The following UPF2 variants were observed in gnomAD, a reference collection of about 807,000 sequenced individuals.
UPF2 encodes the protein regulator of nonsense transcripts 2.
Under a neutral mutation model 141.4 loss-of-function variants are expected in UPF2, and 17 were observed. That is an observed-to-expected ratio of 0.12 (90% CI 0.08 to 0.18). UPF2 has a LOEUF of 0.18. Among genes scored for constraint, UPF2 ranks in the 10% least tolerant of loss-of-function variants. The pLI, the probability that UPF2 is intolerant of heterozygous loss-of-function variation, is 1.00. For missense variants in UPF2, 1,152 were observed against 1,515.9 expected, an observed-to-expected ratio of 0.76 and a Z score of 3.99; for synonymous variants, 540 against 498.0, an observed-to-expected ratio of 1.08 and a Z score of -1.12.
chr10:12,005,610 C>T (rs7896891), intron 4 of UPF2, among the ~76,000 whole-genome samples: 7,957 of 152,184 alleles, frequency 0.052, 283 homozygotes, highest in Non-Finnish European at 0.08. Context: ...ACTCTGTCAC[C>T]CAGGCTGGAG....
chr10:12,022,435 A>C (rs1426769929), intron 3 of UPF2, among the ~76,000 whole-genome samples: 1 of 151,762 alleles, frequency 6.6e-6, no homozygotes, highest in Non-Finnish European at 1.5e-5. Flanking sequence ...GAAAAAAATT[A>C]TCTTAGATTT....
chr10:11,974,556 A>G (rs966819552), intron 9 of UPF2, among the ~76,000 whole-genome samples: 1 of 152,154 alleles, frequency 6.6e-6, no homozygotes, highest in African/African-American at 2.4e-5. Context: ...TGTCCCATTG[A>G]TACCTAATTT....
intron 8 of UPF2, among the ~76,000 whole-genome samples, chr10:11,985,884 CTTT>C (rs746117868): frequency 1.3e-4 from 13 of 100,740 alleles, no homozygotes; most frequent in African/African-American, 3.0e-4. Flanking sequence ...TAGATCCTTC[CTTT>C]TTTTTTTTTT....
At chr10:11,937,426 T>A (rs1832867274) in intron 18 of UPF2, among the ~76,000 whole-genome samples, 1 of 152,222 alleles carries the variant, frequency 6.6e-6, no homozygotes. Flanking sequence ...ATGAAGTGAC[T>A]ACCTGTACCT....
At position 11,948,571 on chromosome 10, in the gene UPF2, A is replaced by G. The variant is rs1833034269; in HGVS notation, c.3035-63T>C. 4.5e-6 allele frequency: 7 copies of G among 1,539,316 alleles called. No homozygotes were observed. In the South Asian group the frequency reaches 8.3e-5, roughly 18 times the overall value. On this transcript the variant is annotated intron_variant, in intron 15 of 21. Coordinates refer to ENST00000357604, the MANE Select transcript of UPF2 (RefSeq NM_015542.4). ...AAATAGACACAGGCTAGTTTTCTACACTATACCAATTCATGTAAAAGTATG... is the reference window on the plus strand; with the variant it reads ...AAATAGACACAGGCTAGTTTTCTACGCTATACCAATTCATGTAAAAGTATG...
rs1161307393 is a variant in UPF2, at chr10:11,935,592, CA to C, written c.3546+952del. On this transcript the variant is annotated intron_variant, in intron 19 of 21. Coordinates refer to ENST00000357604, the MANE Select transcript of UPF2 (RefSeq NM_015542.4). The surrounding 1 kb of genome is among the most constrained non-coding windows in gnomAD (Gnocchi z 4.9). Reference sequence around the variant, plus strand: ...ATGTTAAGATGTAAACAAATTTTTACAGAATTGACCTAAATACACCTAAAGG... The same window carrying C: ...ATGTTAAGATGTAAACAAATTTTTACGAATTGACCTAAATACACCTAAAGG... Among the ~76,000 whole-genome samples, 4 of 152,166 alleles carry C rather than the reference CA, an allele frequency of 2.6e-5. No individual in the cohort carries two copies. Among genetic ancestry groups the C allele is most frequent in the African/African-American group, 9.7e-5 (4 of 41,438 alleles).
chr10:12,006,188 C>A (rs1834032481), intron 4 of UPF2, among the ~76,000 whole-genome samples: 2 of 152,126 alleles, frequency 1.3e-5, no homozygotes, highest in African/African-American at 2.4e-5. Flanking sequence ...CCTTTATTTT[C>A]TTTTATGCCA....
chr10:11,989,397 T>C (rs527603995), intron 8 of UPF2, among the ~76,000 whole-genome samples: 4 of 152,288 alleles, frequency 2.6e-5, no homozygotes, highest in Non-Finnish European at 4.4e-5. Context: ...AGCAGGAGGA[T>C]TGCTTGAGGC....
chr10:11,996,634 G>A (rs985213075), intron 8 of UPF2, among the ~76,000 whole-genome samples: 3 of 152,106 alleles, frequency 2.0e-5, no homozygotes, highest in Non-Finnish European at 4.4e-5. Flanking sequence ...CTGAGCCACC[G>A]CGCCTGGCCT....
At chr10:11,967,716 G>C (rs941654540) in intron 9 of UPF2, among the ~76,000 whole-genome samples, 53 of 151,680 alleles carry the variant, frequency 3.5e-4, no homozygotes, top group African/African-American at 1.3e-3. Flanking sequence ...CACCCAGCTG[G>C]GTAATTTTTT....
chr10:11,973,868 G>A (rs547327104), intron 9 of UPF2, among the ~76,000 whole-genome samples: 1 of 152,276 alleles, frequency 6.6e-6, no homozygotes, highest in South Asian at 2.1e-4. Flanking sequence ...GGCAATGCGG[G>A]CTCTTTTTTG....
In UPF2 at chr10:12,003,755, A is replaced by G. The variant is rs551245200; in HGVS notation, c.1504+775T>C. ...AGCCTGACCAACATGGTGAAACCCC[A>G]TCTCTACTAAAAATACAAAATTAGC... On this transcript the variant is annotated intron_variant, in intron 5 of 21. Coordinates refer to ENST00000357604, the MANE Select transcript of UPF2 (RefSeq NM_015542.4). Among the ~76,000 whole-genome samples the G allele has an allele frequency of 3.3e-5, 5 of 151,932 alleles. No individual in the cohort carries two copies. The South Asian group carries it at 1.0e-3, about 32-fold the overall frequency.
chr10:11,978,299 A>G (rs2131225994), intron 9 of UPF2, among the ~76,000 whole-genome samples: 1 of 152,316 alleles, frequency 6.6e-6, no homozygotes. Context: ...TTTTGTAAAC[A>G]CCACTTTTCC....
chr10:11,955,662 T>C (rs1833137288), intron 13 of UPF2, among the ~76,000 whole-genome samples, 155 bp from the exon 14 acceptor site: 1 of 152,228 alleles, frequency 6.6e-6, no homozygotes, highest in Non-Finnish European at 1.5e-5. Context: ...TACTTCTAGG[T>C]GTCCTTTTCT....
At chr10:12,038,392 A>T (rs934213392) in intron 1 of UPF2, among the ~76,000 whole-genome samples, 27 of 150,680 alleles carry the variant, frequency 1.8e-4, no homozygotes, top group Non-Finnish European at 3.1e-4. Context: ...ACACACACAC[A>T]CACACACACA....
At chr10:12,040,439 A>G (rs1361059282) in intron 1 of UPF2, among the ~76,000 whole-genome samples, 2 of 152,138 alleles carry the variant, frequency 1.3e-5, no homozygotes, top group Non-Finnish European at 2.9e-5. Context: ...CAAAAAACAA[A>G]AAACAAAACA....
intron 2 of UPF2, among the ~76,000 whole-genome samples, chr10:12,030,572 A>T (rs576724209): frequency 2.0e-5 from 3 of 151,822 alleles, no homozygotes; most frequent in Non-Finnish European, 4.4e-5. Flanking sequence ...AATAATTAGC[A>T]CTATAAAAGA....
chr10:12,005,080 C>T (rs576550410), intron 4 of UPF2, among the ~76,000 whole-genome samples: 4 of 147,530 alleles, frequency 2.7e-5, no homozygotes, highest in Middle Eastern at 3.5e-3. Flanking sequence ...CTAAGACATC[C>T]GTTTAAAGTC....
chr10:12,013,196 T>A (rs1023402147), intron 4 of UPF2, among the ~76,000 whole-genome samples: 1 of 151,626 alleles, frequency 6.6e-6, no homozygotes, highest in Non-Finnish European at 1.5e-5. Context: ...CAGTATACAA[T>A]AGGTATTTCT....
Sources: allele counts gnomAD v4.1 joint callset (sites outside exome capture counted in the v4.1 genomes callset), GRCh38; gene constraint gnomAD v4.1.1; non-coding constraint Gnocchi (gnomAD v3.1); transcripts MANE v1.5; gene names NCBI Gene and HGNC (gene_info 2026-07-23, HGNC 2026-07-21).